Variants in WDR70 observed in about 807,000 individuals in gnomAD.
The protein encoded by WDR70 is WD repeat domain 70.
In WDR70, 53 loss-of-function variants were observed where a neutral mutation model predicts 88.6. The ratio of observed to expected loss-of-function variants is 0.60; its 90% CI spans 0.48 to 0.75. WDR70 has a LOEUF of 0.75. Among genes scored for constraint, WDR70 ranks in the 30% least tolerant of loss-of-function variants. The pLI is 0.00. For synonymous variants in WDR70, 280 were observed against 270.0 expected (o/e 1.04, Z -0.36); for missense variants, 610 against 823.2 (o/e 0.74, Z 3.17).
At chr5:37,442,935 A>G (rs1750699532) in intron 6 of WDR70, among the ~76,000 whole-genome samples, 1 of 152,236 alleles carries the variant, frequency 6.6e-6, no homozygotes. Context: ...ACACTAAAGC[A>G]ACTTAGTTTA....
chr5:37,621,398 C>A (rs10055123), intron 10 of WDR70, among the ~76,000 whole-genome samples: 3 of 152,062 alleles, frequency 2.0e-5, no homozygotes, highest in African/African-American at 7.2e-5. Context: ...TTGCAACCAC[C>A]AATTCTCTAG....
At chr5:37,666,018 A>G (rs1480979323) in intron 10 of WDR70, among the ~76,000 whole-genome samples, 1 of 152,130 alleles carries the variant, frequency 6.6e-6, no homozygotes, top group Non-Finnish European at 1.5e-5. Flanking sequence ...GCTGCCCGGG[A>G]AGCTTGGCAG....
At chr5:37,714,462 G>T (rs953982432) in intron 13 of WDR70, among the ~76,000 whole-genome samples, 6 of 152,078 alleles carry the variant, frequency 3.9e-5, no homozygotes, top group African/African-American at 1.4e-4. Context: ...TCACAACCTG[G>T]TCTCCATAAT....
chr5:37,711,393 T>C (rs1428950423), intron 13 of WDR70, among the ~76,000 whole-genome samples: 1 of 152,186 alleles, frequency 6.6e-6, no homozygotes, highest in East Asian at 1.9e-4. Context: ...ATTTTACAAC[T>C]TCCCTAAAGA....
chr5:37,739,373 G>T (rs1046984793), intron 17 of WDR70, among the ~76,000 whole-genome samples: 1 of 152,156 alleles, frequency 6.6e-6, no homozygotes, highest in Non-Finnish European at 1.5e-5. Flanking sequence ...ATAGGCTTTT[G>T]CTTTTGTTTT....
At chr5:37,582,721 G>A (rs1743253195) in intron 9 of WDR70, among the ~76,000 whole-genome samples, 1 of 152,224 alleles carries the variant, frequency 6.6e-6, no homozygotes, top group South Asian at 2.1e-4. Context: ...CCTAACACAT[G>A]TTTAGCTTTG....
chr5:37,693,710 A>G (rs1279974878), intron 10 of WDR70, among the ~76,000 whole-genome samples: 1 of 152,206 alleles, frequency 6.6e-6, no homozygotes, highest in Non-Finnish European at 1.5e-5. Context: ...TTAATTCAAG[A>G]TGGATTAAAG....
At chr5:37,639,900 T>G (rs1020796064) in intron 10 of WDR70, among the ~76,000 whole-genome samples, 1 of 152,214 alleles carries the variant, frequency 6.6e-6, no homozygotes, top group Non-Finnish European at 1.5e-5. Flanking sequence ...CACTTTAAAT[T>G]TATTATTTCA....
chr5:37,466,732 A>T (rs1467172018), intron 7 of WDR70, among the ~76,000 whole-genome samples: 2 of 129,888 alleles, frequency 1.5e-5, no homozygotes, highest in African/African-American at 5.3e-5. Flanking sequence ...AAAAAAAAAA[A>T]AAAATTTAAG....
At position 37,506,966 on chromosome 5, in the gene WDR70, C is replaced by T. The variant is rs1433760326; in HGVS notation, c.841-9548C>T. 7.4e-6 allele frequency: 5 copies of T among 671,592 alleles called. No individual in the cohort carries two copies. In the African/African-American group the frequency reaches 8.9e-5, roughly 12 times the overall value. The allele number at this position is 671,592 out of a possible 1,614,324, so 41.6% of individuals were successfully genotyped here. A position where few individuals can be genotyped will look rare whatever the true frequency, so the allele number is the denominator to read the frequency against. On this transcript the variant is annotated intron_variant, in intron 8 of 17. Coordinates refer to ENST00000265107, the MANE Select transcript of WDR70 (RefSeq NM_018034.4). ...CTTCCCTCCACCCACTTGGATTCAC[C>T]TCCCTTTGCCACCTTCCTGCCCTTG...
At chr5:37,674,245 A>G (rs183419227) in intron 10 of WDR70, among the ~76,000 whole-genome samples, 4,523 of 148,878 alleles carry the variant, frequency 0.03, 96 homozygotes, top group Middle Eastern at 0.11. Flanking sequence ...TTTTTATTTT[A>G]TTATTATTAT....
intron 8 of WDR70, among the ~76,000 whole-genome samples, chr5:37,495,173 C>T (rs1003731980): frequency 6.6e-6 from 1 of 152,174 alleles, no homozygotes; most frequent in African/African-American, 2.4e-5. Flanking sequence ...TTTTGTTGAC[C>T]ATTTCAGGAG....
Position 37,582,106 on chromosome 5 carries a change from G to A in WDR70, c.918-22958G>A, listed in dbSNP as rs1581411145. 5.3e-5 allele frequency among the ~76,000 whole-genome samples: 3 copies of A among 56,802 alleles called. No individual in the cohort carries two copies. The South Asian group carries it at 1.8e-3, about 34-fold the overall frequency. 37.3% of individuals were successfully genotyped at this position (56,802 alleles called of 152,430 possible). On this transcript the variant is annotated intron_variant, in intron 9 of 17. Transcript: ENST00000265107. ...ACAGTTTTTATTTGTTACAGTATTA[G>A]TTAGTAACTAATAGTTACTAGGTAT...
Position 37,497,045 on chromosome 5 carries a change from T to C in WDR70, c.840+17058T>C, listed in dbSNP as rs1366651496. Among the ~76,000 whole-genome samples, 5 of 152,352 alleles carry C rather than the reference T, an allele frequency of 3.3e-5. No homozygotes were observed. In the South Asian group the frequency reaches 1.0e-3, roughly 32 times the overall value. On this transcript the variant is annotated intron_variant, in intron 8 of 17. Transcript: ENST00000265107. Reference sequence around the variant, plus strand: ...GTTTCTTTTATTGCAAATCATGAACTGTTTTCCTTGCTCAGAGGCAGATAT... The same window carrying C: ...GTTTCTTTTATTGCAAATCATGAACCGTTTTCCTTGCTCAGAGGCAGATAT...
chr5:37,593,651 T>C (rs1295349333), intron 9 of WDR70, among the ~76,000 whole-genome samples: 3 of 152,226 alleles, frequency 2.0e-5, no homozygotes, highest in African/African-American at 4.8e-5. Context: ...TTATAATCCT[T>C]TGGGTATATA....
At chr5:37,449,611 T>A (rs57416445) in intron 7 of WDR70, among the ~76,000 whole-genome samples, 6,848 of 53,200 alleles carry the variant, frequency 0.13, 666 homozygotes, top group African/African-American at 0.28. Flanking sequence ...AAATAAAAAA[T>A]AAAAAATAAA....
intron 8 of WDR70, among the ~76,000 whole-genome samples, chr5:37,505,387 G>C (rs1223557584): frequency 6.6e-6 from 1 of 152,084 alleles, no homozygotes; most frequent in Non-Finnish European, 1.5e-5. Flanking sequence ...AGAATTGCTT[G>C]GTCTGGTATT....
chr5:37,472,058 T>C (rs1216154599), intron 7 of WDR70, among the ~76,000 whole-genome samples: 3 of 152,018 alleles, frequency 2.0e-5, no homozygotes, highest in Non-Finnish European at 2.9e-5. Context: ...CTTTATCAAA[T>C]TAAGAACTTT....
At chr5:37,574,772 C>T (rs1463930972) in intron 9 of WDR70, among the ~76,000 whole-genome samples, 1 of 152,182 alleles carries the variant, frequency 6.6e-6, no homozygotes, top group African/African-American at 2.4e-5. Context: ...AACAACACTG[C>T]ACCCATCCAT....
Sources: gnomAD v4.1 joint callset for allele counts (sites outside exome capture counted in the v4.1 genomes callset) on GRCh38, gnomAD v4.1.1 for gene constraint, MANE v1.5 for transcripts, NCBI Gene and HGNC (gene_info 2026-07-23, HGNC 2026-07-21) for gene names.